The following LHFPL2 variants were observed in gnomAD, a reference collection of about 807,000 sequenced individuals.
The protein encoded by LHFPL2 is LHFPL tetraspan subfamily member 2 protein.
LHFPL2 carries 7 observed loss-of-function variants against 17.5 expected under a neutral mutation model. The observed-to-expected ratio is 0.40, with a 90% confidence interval of 0.23 to 0.75. LHFPL2 has a LOEUF of 0.75. Among genes scored for constraint, LHFPL2 ranks in the 30% least tolerant of loss-of-function variants. The pLI is 0.37. For missense variants in LHFPL2, 241 were observed against 294.8 expected (o/e 0.82, Z 1.34); for synonymous variants, 134 against 116.2 (o/e 1.15, Z -0.99).
At chr5:78,572,787 T>G (rs1757035434) in intron 2 of LHFPL2, among the ~76,000 whole-genome samples, 1 of 152,136 alleles carries the variant, frequency 6.6e-6, no homozygotes, top group East Asian at 1.9e-4. Context: ...CCCAACCTTT[T>G]TGCCACCAGG....
intron 1 of LHFPL2, chr5:78,641,906 TACACACACACACAC>T (rs35776632): frequency 1.9e-5 from 2 of 107,686 alleles, no homozygotes; most frequent in Admixed American, 8.5e-5. Context: ...ATGTACAGTA[TACACACACACACAC>T]ACACACACAC....
chr5:78,506,062 A>G (rs1754922683), intron 4 of LHFPL2, among the ~76,000 whole-genome samples: 1 of 152,262 alleles, frequency 6.6e-6, no homozygotes, highest in Non-Finnish European at 1.5e-5. Context: ...TGGTGCCCTG[A>G]AGGCAGATCC....
chr5:78,576,237 G>A (rs1367924595), intron 2 of LHFPL2, among the ~76,000 whole-genome samples: 1 of 151,854 alleles, frequency 6.6e-6, no homozygotes, highest in Non-Finnish European at 1.5e-5. Flanking sequence ...GGAGCTTGCA[G>A]TGAGCCGAGA....
chr5:78,610,971 C>T (rs1744405812), intron 2 of LHFPL2, among the ~76,000 whole-genome samples: 1 of 151,748 alleles, frequency 6.6e-6, no homozygotes, highest in East Asian at 1.9e-4. Context: ...CAAGGAGCCA[C>T]AGGCACAGGG....
At chr5:78,594,496 G>T (rs1442170826) in intron 2 of LHFPL2, among the ~76,000 whole-genome samples, 1 of 152,182 alleles carries the variant, frequency 6.6e-6, no homozygotes, top group Non-Finnish European at 1.5e-5. Context: ...ACAAGCAGCT[G>T]ACACACAGCC....
At chr5:78,501,021 A>G (rs1035181866) in intron 4 of LHFPL2, among the ~76,000 whole-genome samples, 3 of 152,188 alleles carry the variant, frequency 2.0e-5, no homozygotes, top group African/African-American at 4.8e-5. Flanking sequence ...AGCATCTACT[A>G]TGTACGTAGT....
intron 4 of LHFPL2, among the ~76,000 whole-genome samples, chr5:78,507,084 A>T (rs1754954011): frequency 2.0e-5 from 3 of 152,158 alleles, no homozygotes; most frequent in Admixed American, 2.0e-4. Context: ...TAATCCCAGC[A>T]CTTTGGGAGG....
intron 4 of LHFPL2, among the ~76,000 whole-genome samples, chr5:78,506,429 T>G (rs1292458387): frequency 6.6e-6 from 1 of 152,220 alleles, no homozygotes; most frequent in Non-Finnish European, 1.5e-5. Context: ...TTTGTTTCAG[T>G]GTTGAAGAGA....
At chr5:78,644,221 T>C (rs534506177) in intron 1 of LHFPL2, 32 of 650,664 alleles carry the variant, frequency 4.9e-5, no homozygotes, top group African/African-American at 4.8e-4. Flanking sequence ...ATACAGGGAG[T>C]TGAAATGCTT....
intron 3 of LHFPL2, among the ~76,000 whole-genome samples, chr5:78,556,953 C>T (rs1421083241): frequency 6.8e-6 from 1 of 146,460 alleles, no homozygotes; most frequent in Non-Finnish European, 1.5e-5. Flanking sequence ...TAAACAGCTT[C>T]TGGCAATCCT....
At chr5:78,631,927 C>A (rs1178279280) in intron 2 of LHFPL2, among the ~76,000 whole-genome samples, 3 of 136,248 alleles carry the variant, frequency 2.2e-5, no homozygotes, top group African/African-American at 8.8e-5. Context: ...CAGAGCAAGA[C>A]TCCATCTCAA....
chr5:78,590,853 T>C (rs1186684791), intron 2 of LHFPL2, among the ~76,000 whole-genome samples: 1 of 152,214 alleles, frequency 6.6e-6, no homozygotes, highest in Non-Finnish European at 1.5e-5. Flanking sequence ...TGTTTTTTGT[T>C]ACCACTGGTT....
At chr5:78,518,199 C>A (rs764461550) in intron 3 of LHFPL2, among the ~76,000 whole-genome samples, 6 of 152,164 alleles carry the variant, frequency 3.9e-5, no homozygotes, top group Non-Finnish European at 5.9e-5. Flanking sequence ...ATAATGAATT[C>A]TGTGATACTG....
intron 3 of LHFPL2, among the ~76,000 whole-genome samples, chr5:78,560,689 C>T (rs987376379): frequency 7.2e-5 from 11 of 152,174 alleles, no homozygotes; most frequent in Admixed American, 2.0e-4. Context: ...ACAAGGCTTA[C>T]GTAACTTGTT....
chr5:78,610,663 C>G (rs1019224261), intron 2 of LHFPL2, among the ~76,000 whole-genome samples: 3 of 152,142 alleles, frequency 2.0e-5, no homozygotes, highest in Non-Finnish European at 4.4e-5. Context: ...ATCAGTAGTC[C>G]CGCTGGTACA....
At chr5:78,604,790 C>G (rs1335728713) in intron 2 of LHFPL2, among the ~76,000 whole-genome samples, 2 of 152,214 alleles carry the variant, frequency 1.3e-5, no homozygotes, top group Non-Finnish European at 1.5e-5. Context: ...TAACAAGGTA[C>G]AAAGTTCTAC....
intron 1 of LHFPL2, among the ~76,000 whole-genome samples, chr5:78,636,007 C>T (rs1270786335): frequency 6.6e-6 from 1 of 151,914 alleles, no homozygotes; most frequent in Non-Finnish European, 1.5e-5. Flanking sequence ...CAGACACACA[C>T]ACACACACAC....
At chr5:78,581,158 T>C (rs1249671823) in intron 2 of LHFPL2, among the ~76,000 whole-genome samples, 1 of 152,198 alleles carries the variant, frequency 6.6e-6, no homozygotes, top group Non-Finnish European at 1.5e-5. Flanking sequence ...TGTCTGTTGT[T>C]GGTGTATAAG....
intron 2 of LHFPL2, among the ~76,000 whole-genome samples, chr5:78,587,858 T>C (rs1228815583): frequency 6.6e-6 from 1 of 152,226 alleles, no homozygotes; most frequent in South Asian, 2.1e-4. Flanking sequence ...ATCTCCCTTC[T>C]GGCTGTGGCC....
Sources: gnomAD v4.1 joint callset for allele counts (sites outside exome capture counted in the v4.1 genomes callset) on GRCh38, gnomAD v4.1.1 for gene constraint, MANE v1.5 for transcripts, NCBI Gene and HGNC (gene_info 2026-07-23, HGNC 2026-07-21) for gene names.